The following SNRPN variants were observed in gnomAD, a reference collection of about 807,000 sequenced individuals.
SNRPN encodes small nuclear ribonucleoprotein-associated protein N.
In SNRPN, 7 loss-of-function variants were observed where a neutral mutation model predicts 25.2. That is an observed-to-expected ratio of 0.28 (90% CI 0.16 to 0.52). SNRPN has a LOEUF of 0.52. SNRPN is among the 20% of genes least tolerant of loss of function. SNRPN has a pLI of 0.96. For synonymous variants in SNRPN, 124 were observed against 110.6 expected, an observed-to-expected ratio of 1.12 and a Z score of -0.76; for missense variants, 196 against 322.5, an observed-to-expected ratio of 0.61 and a Z score of 3.00.
chr15:24,880,853 T>C (rs1447594161), intron 1 of SNRPN, among the ~76,000 whole-genome samples: 1 of 152,042 alleles, frequency 6.6e-6, no homozygotes, highest in East Asian at 1.9e-4. Flanking sequence ...AAGCAATTCT[T>C]GTGCCTCACT....
intron 2 of SNRPN, chr15:24,909,309 A>G: frequency 1.2e-6 from 2 of 1,603,976 alleles, no homozygotes; most frequent in Non-Finnish European, 1.7e-6. Context: ...TGAGGGATAG[A>G]CAAGCCTCCA....
At chr15:24,909,492 T>G in intron 2 of SNRPN, 1 of 1,559,012 alleles carries the variant, frequency 6.4e-7, no homozygotes, top group Non-Finnish European at 8.7e-7. Context: ...CCAAACCTAC[T>G]GAGAAGCCTG....
At chr15:24,844,362 G>A (rs6576388) in intron 2 of SNRPN, among the ~76,000 whole-genome samples, 21,537 of 151,878 alleles carry the variant, frequency 0.14, 1,741 homozygotes, top group African/African-American at 0.22. Context: ...GTTTATTGTT[G>A]TATTATTAAA....
chr15:24,878,997 T>C (rs1266013678), intron 1 of SNRPN, among the ~76,000 whole-genome samples: 6 of 152,024 alleles, frequency 3.9e-5, no homozygotes, highest in African/African-American at 1.4e-4. Context: ...AGAAAAATTA[T>C]ACAAGGTTGA....
intron 1 of SNRPN, among the ~76,000 whole-genome samples, chr15:24,882,664 A>C (rs1233427461): frequency 6.6e-6 from 1 of 151,862 alleles, no homozygotes; most frequent in Non-Finnish European, 1.5e-5. Context: ...GTCTCTACTA[A>C]AAATACAAAA....
At chr15:24,963,745 T>C (rs966426047) in intron 2 of SNRPN, among the ~76,000 whole-genome samples, 1 of 151,968 alleles carries the variant, frequency 6.6e-6, no homozygotes, top group Non-Finnish European at 1.5e-5. Flanking sequence ...TCATTTTATA[T>C]GTGAAAAGTT....
In SNRPN at chr15:24,858,646, C is replaced by A. The variant is rs2053667472; in HGVS notation, c.-579+1930C>A. 2.0e-5 allele frequency among the ~76,000 whole-genome samples: 3 copies of A among 151,376 alleles called. No homozygotes were observed. The South Asian group carries it at 6.3e-4, about 32-fold the overall frequency. ...CCTGTCTACTTAAAAAAAAAAAATA[C>A]AAAAATTAGCCGGGCATGCTGATAT... On this transcript the variant is annotated intron_variant, in intron 1 of 11. Coordinates refer to the SNRPN transcript ENST00000400097.
At chr15:24,862,587 T>C (rs1165160169) in intron 1 of SNRPN, among the ~76,000 whole-genome samples, 1 of 151,186 alleles carries the variant, frequency 6.6e-6, no homozygotes, top group East Asian at 1.9e-4. Context: ...GTCCACTGCA[T>C]GTGTGGGGCT....
chr15:24,923,197 T>G (rs2060141420), intron 3 of SNRPN, among the ~76,000 whole-genome samples: 1 of 152,182 alleles, frequency 6.6e-6, no homozygotes, highest in Non-Finnish European at 1.5e-5. Context: ...TGAGACACCA[T>G]GCGCGGCTGC....
intron 1 of SNRPN, among the ~76,000 whole-genome samples, chr15:24,864,685 AT>A (rs1214012635): frequency 6.6e-6 from 1 of 151,534 alleles, no homozygotes; most frequent in Non-Finnish European, 1.5e-5. Context: ...TAATAGATAC[AT>A]TTCCCCCCTA....
rs937737746 is a variant in SNRPN, at chr15:24,960,580, C to A, written c.-390-1534C>A. Among the ~76,000 whole-genome samples, 4 of 152,174 alleles carry A rather than the reference C, an allele frequency of 2.6e-5. No homozygotes were observed. In the East Asian group the frequency reaches 5.8e-4, roughly 22 times the overall value. Reference sequence around the variant, plus strand: ...CAAGTGATCGCTGGCCTCAGCCTTCCATGAACCATTGCGCCCTGCCTCATT... The same window carrying A: ...CAAGTGATCGCTGGCCTCAGCCTTCAATGAACCATTGCGCCCTGCCTCATT... On this transcript the variant is annotated intron_variant, in intron 1 of 9. Transcript: ENST00000390687.
Position 24,909,296 on chromosome 15 carries a change from C to A in SNRPN, c.-504-10715C>A, listed in dbSNP as rs561323852. On this transcript the variant is annotated intron_variant, in intron 2 of 11. Transcript: ENST00000400097. The stretch of plus-strand genomic sequence containing the variant: ...ACCATAACCAGGGAATTGTTTGGTA[C>A]TGTGAGGGATAGACAAGCCTCCATC... The A allele has an allele frequency of 1.3e-4, 203 of 1,603,216 alleles. 1 individual carries two copies. In the African/African-American group the frequency reaches 2.5e-3, roughly 19 times the overall value.
intron 2 of SNRPN, among the ~76,000 whole-genome samples, chr15:24,962,879 G>A (rs2075048907): frequency 6.6e-6 from 1 of 151,748 alleles, no homozygotes; most frequent in South Asian, 2.1e-4. Context: ...TGATCAGTAG[G>A]TAGCATTTTT....
chr15:24,848,234 GGGCGGGGGCGGC>G (rs1363985960), intron 2 of SNRPN: 2 of 125,456 alleles, frequency 1.6e-5, no homozygotes, highest in African/African-American at 5.7e-5. Flanking sequence ...GCGGCGGTGG[GGGCGGGGGCGGC>G]GGCGGGGGCG....
chr15:24,847,844 C>A (rs2052342779), intron 2 of SNRPN, among the ~76,000 whole-genome samples: 1 of 152,044 alleles, frequency 6.6e-6, no homozygotes, highest in Non-Finnish European at 1.5e-5. Flanking sequence ...AATCATACTT[C>A]GGATATAACT....
rs988607830 is a variant in SNRPN, at chr15:24,847,276, C to CG, written c.-579+17374dup. Among the ~76,000 whole-genome samples the CG allele has an allele frequency of 5.3e-5, 8 of 151,828 alleles. No homozygotes were observed. The East Asian group carries it at 9.7e-4, about 18-fold the overall frequency. On this transcript the variant is annotated intron_variant, in intron 2 of 12. Transcript: ENST00000400100. The stretch of plus-strand genomic sequence containing the variant: ...CCATGGCAAACTTAATAACAAGAGG[C>CG]GGGAAAAAAAAGGTGAGGCCCAGGA...
At chr15:24,867,113 A>G (rs998870218) in intron 1 of SNRPN, among the ~76,000 whole-genome samples, 1 of 152,092 alleles carries the variant, frequency 6.6e-6, no homozygotes, top group Non-Finnish European at 1.5e-5. Context: ...TCTCTTCAAC[A>G]TACTGATTTC....
intron 2 of SNRPN, chr15:24,848,264 G>GGCGGGGGCGGGGGCGGCGGCGGA (rs1407337358): frequency 1.0e-5 from 1 of 97,806 alleles, no homozygotes; most frequent in Non-Finnish European, 2.7e-5. Context: ...GCGGGGGCGG[G>GGCGGGGGCGGGGGCGGCGGCGGA]GGCGGGGGCA....
chr15:24,924,229 G>C (rs906283273), intron 3 of SNRPN, among the ~76,000 whole-genome samples: 1 of 152,020 alleles, frequency 6.6e-6, no homozygotes, highest in Non-Finnish European at 1.5e-5. Context: ...CCAGAACCCA[G>C]TGAGATTCAG....
Sources: gnomAD v4.1 joint callset for allele counts (sites outside exome capture counted in the v4.1 genomes callset) on GRCh38, gnomAD v4.1.1 for gene constraint, MANE v1.5 for transcripts, NCBI Gene and HGNC (gene_info 2026-07-23, HGNC 2026-07-21) for gene names.